CDHR2: variants seen among roughly 807,000 people sequenced by gnomAD.
CDHR2 encodes cadherin related family member 2, also known as cadherin-related family member 2.
A neutral mutation model predicts 138.6 loss-of-function variants in CDHR2; 104 were observed. The observed-to-expected ratio is 0.75, with a 90% CI of 0.64 to 0.88. CDHR2 has a LOEUF of 0.88. Among genes scored for constraint, CDHR2 ranks in the 40% least tolerant of loss-of-function variants. CDHR2 has a pLI of 0.00. For synonymous variants in CDHR2, 755 were observed against 742.8 expected, an observed-to-expected ratio of 1.02 and a Z score of -0.27; for missense variants, 1,624 against 1,727.6, an observed-to-expected ratio of 0.94 and a Z score of 1.06.
At chr5:176,571,098 G>T in intron 5 of CDHR2, 115 bp from the exon 6 acceptor site, 3 of 371,896 alleles carry the variant, frequency 8.1e-6, no homozygotes, top group African/African-American at 2.6e-5. Context: ...GAGAAAGAGA[G>T]ACCAAACAGT....
Position 176,576,859 on chromosome 5 carries a change from G to T in CDHR2, c.1195-540G>T, listed in dbSNP as rs1275469576. Among the ~76,000 whole-genome samples the T allele has an allele frequency of 6.6e-6, 1 of 152,170 alleles. No individual in the cohort carries two copies. The highest frequency in any genetic ancestry group is 1.5e-5 in the Non-Finnish European group (1 of 68,040). ...CCCAAAGTGCTGGGATTGCAGGCGT[G>T]AGCCACCGCGCCCAGCCATGGGAGG... is the stretch of plus-strand genomic sequence containing the variant. On this transcript the variant is annotated intron_variant, in intron 12 of 31. Coordinates refer to ENST00000261944, the MANE Select transcript of CDHR2 (RefSeq NM_017675.6). This position sits in a 1 kb window ranked among gnomAD's most constrained non-coding sequence, Gnocchi z 4.5.
At position 176,578,389 on chromosome 5, in the gene CDHR2, C is replaced by T. The variant is rs368141315; in HGVS notation, c.1599C>T (p.Pro533=). Residue 533 remains proline, a synonymous_variant, in exon 16 of 32, where the codon CCC becomes CCT. Coordinates refer to ENST00000261944, the MANE Select transcript of CDHR2 (RefSeq NM_017675.6). The part of the protein sequence containing the change: ...GNGADLFQVD[P]VSGTVTVRNG... ...GGGCAGACCTCTTCCAAGTGGATCC[C>T]GTCTCAGGGACGGTGACGGTGAGGA... is the stretch of plus-strand genomic sequence containing the variant. 9.9e-6 allele frequency: 16 copies of T among 1,613,438 alleles called. No homozygotes were observed. The highest frequency in any genetic ancestry group is 1.7e-5 in the Admixed American group (1 of 59,940).
Position 176,551,701 on chromosome 5 carries a change from C to CTTTTTTTTTTTT in CDHR2, c.-16+2294_-16+2305dup. Among the ~76,000 whole-genome samples the CTTTTTTTTTTTT allele has an allele frequency of 1.8e-5, 2 of 114,284 alleles. 1 individual carries two copies. The highest frequency in any genetic ancestry group is 3.3e-5 in the Non-Finnish European group (2 of 60,138). 75.0% of individuals were successfully genotyped at this position (114,284 alleles called of 152,430 possible). ...GCCACCACACCTAGCCAAGAGTTCTCTTTTTTTTTTTTTTTTTTGAGACAG... is the reference window on the plus strand; with the variant it reads ...GCCACCACACCTAGCCAAGAGTTCTCTTTTTTTTTTTTTTTTTTTTTTTTTTTTTTGAGACAG... On this transcript the variant is annotated intron_variant, in intron 1 of 31. Transcript: ENST00000261944.
chr5:176,588,724 T>A lies in CDHR2; in HGVS notation c.2857-307T>A, dbSNP rs72809141. The stretch of plus-strand genomic sequence containing the variant: ...GACTGTGTGTGTGAGTGTGTGTGTG[T>A]GAGAGAGAGAGAGAGTATGGCAGTG... On this transcript the variant is annotated intron_variant, in intron 21 of 31. Transcript: ENST00000261944. Among the ~76,000 whole-genome samples, 466 of 147,560 alleles carry A rather than the reference T, an allele frequency of 3.2e-3. 1 individual carries two copies. The highest frequency in any genetic ancestry group is 0.01 in the African/African-American group (400 of 39,844).
Position 176,584,689 on chromosome 5 carries a change from A to G in CDHR2, c.2408A>G (p.Asp803Gly), listed in dbSNP as rs779160780. The G allele has an allele frequency of 1.5e-5, 24 of 1,614,120 alleles. No individual in the cohort carries two copies. The Middle Eastern group carries it at 1.3e-3, about 89-fold the overall frequency. ...TGCGTGAATGTGAAAGACGTGAACG[A>G]CAATCCCCCCACCCTGGATGTAGCC... ...DVCVNVKDVNDNPPTLDVASL... is the reference protein window; with the variant it reads ...DVCVNVKDVNGNPPTLDVASL... Residue 803 changes from aspartate (D) to glycine (G), a missense_variant, in exon 19 of 32, where the codon GAC becomes GGC. By Grantham distance (94) the Asp-to-Gly change is moderately conservative. Coordinates refer to ENST00000261944, the MANE Select transcript of CDHR2 (RefSeq NM_017675.6).
intron 7 of CDHR2, among the ~76,000 whole-genome samples, chr5:176,574,517 C>T (rs776920021): frequency 4.5e-4 from 69 of 152,224 alleles, no homozygotes; most frequent in Non-Finnish European, 9.0e-4. Context: ...GTGCCTGGCA[C>T]ATACTGTATA....
chr5:176,571,845 T>C (rs753707502), intron 6 of CDHR2, among the ~76,000 whole-genome samples: 1 of 152,100 alleles, frequency 6.6e-6, no homozygotes, highest in Non-Finnish European at 1.5e-5. Flanking sequence ...CTCGTGTATC[T>C]AAAAAATTTA....
At chr5:176,592,211 G>A (rs990102802) in intron 30 of CDHR2, among the ~76,000 whole-genome samples, 2 of 149,680 alleles carry the variant, frequency 1.3e-5, no homozygotes, top group Non-Finnish European at 3.0e-5. Flanking sequence ...TGATGGTGAT[G>A]GTGGTGATGA....
At chr5:176,550,115 T>C (rs1757673491) in intron 1 of CDHR2, among the ~76,000 whole-genome samples, 1 of 152,140 alleles carries the variant, frequency 6.6e-6, no homozygotes, top group Non-Finnish European at 1.5e-5. Context: ...CTGTGCTGGG[T>C]TGGGCACCAG....
intron 15 of CDHR2, 113 bp downstream of exon 15, chr5:176,578,208 T>C (rs1479713944): frequency 8.0e-7 from 1 of 1,252,066 alleles, no homozygotes. Flanking sequence ...TCAGTTACAT[T>C]TCAATTTCAG....
At chr5:176,566,007 C>T (rs1412938864) in intron 3 of CDHR2, among the ~76,000 whole-genome samples, 2 of 152,146 alleles carry the variant, frequency 1.3e-5, no homozygotes, top group East Asian at 1.9e-4. Flanking sequence ...CATTGCCCAT[C>T]GCTTTCAGTC....
In CDHR2 at chr5:176,589,339, C is replaced by T. The variant is rs1758774960; in HGVS notation, c.3018C>T (p.Thr1006=). ...CTCCCGCCTTCCGCAGGCCGGTGACCAGCCTCGACTCCACTCTCCAAGGCA... is the reference window on the plus strand; with the variant it reads ...CTCCCGCCTTCCGCAGGCCGGTGACTAGCCTCGACTCCACTCTCCAAGGCA... ...DVFAGSIQPV[T]SLDSTLQGTY... The change falls in exon 23 of 32, where the codon ACC becomes ACT. Residue 1006 remains threonine (T), a synonymous_variant. Transcript: ENST00000261944. The T allele has an allele frequency of 6.4e-7, 1 of 1,555,264 alleles. No individual in the cohort carries two copies. The highest frequency in any genetic ancestry group is 1.4e-5 in the African/African-American group (1 of 73,516).
In CDHR2 at chr5:176,557,690, C is replaced by T. The variant is rs11739742; in HGVS notation, c.-15-7648C>T. Among the ~76,000 whole-genome samples, 71 of 17,380 alleles carry T rather than the reference C, an allele frequency of 4.1e-3. 1 individual carries two copies. Among genetic ancestry groups the T allele is most frequent in the Non-Finnish European group, 0.034 (34 of 988 alleles). The allele number at this position is 17,380 out of a possible 152,430, so 11.4% of individuals were successfully genotyped here. On this transcript the variant is annotated intron_variant, in intron 1 of 31. Transcript: ENST00000261944. ...AGTCATTATCTGTTGATTTTTTTTTCTTTCTTTCTTTCTTTCTTTCTTTTT... is the reference window on the plus strand; with the variant it reads ...AGTCATTATCTGTTGATTTTTTTTTTTTTCTTTCTTTCTTTCTTTCTTTTT...
At chr5:176,565,473 AG>A in intron 2 of CDHR2, 69 bp downstream of exon 2, 1 of 1,479,244 alleles carries the variant, frequency 6.8e-7, no homozygotes, top group South Asian at 1.1e-5. Flanking sequence ...TCCAGAAAGG[AG>A]GGGGATCCCT....
intron 6 of CDHR2, among the ~76,000 whole-genome samples, chr5:176,572,418 A>T (rs1456034129): frequency 8.5e-6 from 1 of 117,200 alleles, no homozygotes; most frequent in Admixed American, 8.2e-5. Flanking sequence ...AATAAATAAT[A>T]AAAAAATTAA....
At position 176,565,724 on chromosome 5, in the gene CDHR2, G is replaced by T; in HGVS notation, c.105G>T (p.Leu35=). 6.2e-7 allele frequency: 1 copy of T among 1,613,860 alleles called. No homozygotes were observed. Among genetic ancestry groups the T allele is most frequent in the Non-Finnish European group, 8.5e-7 (1 of 1,179,868 alleles). ...TAGCCAACATGACGTCAGTGATCCT[G>T]CCTGAGGACCTGCCTGTGGGTGAGT... The part of the protein sequence containing the change: ...KFLANMTSVI[L]PEDLPVGAQA... Residue 35 remains leucine (L), a synonymous_variant, in exon 3 of 32, where the codon CTG becomes CTT. Transcript: ENST00000261944.
chr5:176,544,563 T>C (rs1357865471), upstream of CDHR2, among the ~76,000 whole-genome samples: 2 of 151,994 alleles, frequency 1.3e-5, no homozygotes, highest in Non-Finnish European at 2.9e-5. Context: ...CCTCAGCCTC[T>C]CGAGTACCTG....
intron 1 of CDHR2, among the ~76,000 whole-genome samples, chr5:176,555,122 T>TA (rs113779925): frequency 5.3e-5 from 8 of 152,364 alleles, no homozygotes; most frequent in African/African-American, 1.9e-4. Flanking sequence ...TGTTTCATGT[T>TA]ACGGTCACTT....
upstream of CDHR2, among the ~76,000 whole-genome samples, chr5:176,547,178 C>A (rs886618602): frequency 2.0e-5 from 3 of 152,066 alleles, no homozygotes; most frequent in African/African-American, 4.8e-5. Flanking sequence ...AGGGTTTTAC[C>A]ATTTTGGCCA....
Sources: allele counts gnomAD v4.1 joint callset (sites outside exome capture counted in the v4.1 genomes callset), GRCh38; gene constraint gnomAD v4.1.1; non-coding constraint Gnocchi (gnomAD v3.1); transcripts MANE v1.5; gene names NCBI Gene and HGNC (gene_info 2026-07-23, HGNC 2026-07-21).